Variants in KLRB1 observed in about 807,000 individuals in gnomAD.
KLRB1 encodes killer cell lectin-like receptor subfamily B member 1.
In KLRB1, 27 loss-of-function variants were observed where a neutral mutation model predicts 33.5. The observed-to-expected ratio is 0.81, with a 90% CI of 0.59 to 1.11. KLRB1 has a LOEUF of 1.11. Ranked by LOEUF, KLRB1 falls within the 50% of genes most tolerant of loss-of-function variation. The probability of loss-of-function intolerance (pLI) is 0.00; values close to 1 mark genes in which losing one functional copy is unlikely to be tolerated. For synonymous variants in KLRB1, 64 were observed against 88.9 expected (o/e 0.72, Z 1.58); for missense variants, 241 against 254.1 (o/e 0.95, Z 0.35).
rs747436253 is a variant in KLRB1 at position 9,598,989 on chromosome 12, A to G, written c.260-336T>C. Among the ~76,000 whole-genome samples the G allele has an allele frequency of 7.9e-5, 12 of 152,312 alleles. 1 individual carries two copies. In the South Asian group the frequency reaches 2.5e-3, roughly 32 times the overall value. ...TTAAGTCCAGCCAGTCAGATGAAATATTTCCCACTACTTCTCAGTTTCCTT... is the reference window on the plus strand; with the variant it reads ...TTAAGTCCAGCCAGTCAGATGAAATGTTTCCCACTACTTCTCAGTTTCCTT... On this transcript the variant is annotated intron_variant, in intron 3 of 5. Coordinates refer to ENST00000229402, the MANE Select transcript of KLRB1 (RefSeq NM_002258.3).
Position 9,595,315 on chromosome 12 carries a change from C to A in KLRB1, c.637G>T (p.Glu213Ter). 1 of 1,613,474 alleles carries A rather than the reference C, an allele frequency of 6.2e-7. No homozygotes were observed. Among genetic ancestry groups the A allele is most frequent in the Non-Finnish European group, 8.5e-7 (1 of 1,179,600 alleles). Residue 213 changes from glutamate to a stop codon, truncating the protein, a stop_gained, in exon 6 of 6, where the codon GAA becomes TAA. Coordinates refer to ENST00000229402, the MANE Select transcript of KLRB1 (RefSeq NM_002258.3). LOFTEE classifies it high-confidence loss of function. ...STEIRWICQK[E>*]LTPVRNKVYP... is the part of the protein sequence containing the mutation. ...ACTTTATTTCTCACAGGTGTTAGTTCTTTTTGGCAGATCCATCTGATTTCT... is the reference window on the plus strand; with the variant it reads ...ACTTTATTTCTCACAGGTGTTAGTTATTTTTGGCAGATCCATCTGATTTCT...
rs138930151 is a variant in KLRB1 at position 9,599,181 on chromosome 12, C to T, written c.260-528G>A. Among the ~76,000 whole-genome samples, 9 of 152,234 alleles carry T rather than the reference C, an allele frequency of 5.9e-5. 1 individual carries two copies. The South Asian group carries it at 8.3e-4, about 14-fold the overall frequency. On this transcript the variant is annotated intron_variant, in intron 3 of 5. Transcript: ENST00000229402. ...TATAAGAAAATTTCCAATTGCTAAA[C>T]GATGTATTTACCTACTTAATGTGAT...
Position 9,601,479 on chromosome 12 carries a change from CAG to C in KLRB1, c.184+20_184+21del, listed in dbSNP as rs1163419252. ...TGGAAGTAGAGTAAGTATTATGAAA[CAG>C]ATGATGGTGCCCCACTTACCTGAAA... On this transcript the variant is annotated intron_variant, in intron 2 of 5. Transcript: ENST00000229402. The C allele has an allele frequency of 1.9e-6, 3 of 1,540,450 alleles. No homozygotes were observed. Among genetic ancestry groups the C allele is most frequent in the Non-Finnish European group, 2.7e-6 (3 of 1,113,396 alleles).
chr12:9,604,203 G>T (rs1379764978), intron 1 of KLRB1, among the ~76,000 whole-genome samples: 1 of 152,124 alleles, frequency 6.6e-6, no homozygotes, highest in East Asian at 1.9e-4. Flanking sequence ...CACTACAGGG[G>T]TCCGGCGGAC....
intron 1 of KLRB1, among the ~76,000 whole-genome samples, chr12:9,606,754 A>ATTTTTTTT (rs1414913660): frequency 1.2e-4 from 3 of 25,420 alleles, no homozygotes; most frequent in Non-Finnish European, 1.5e-4. Flanking sequence ...ATATATATAT[A>ATTTTTTTT]TATATATTTT....
intron 3 of KLRB1, 86 bp from the exon 4 acceptor site, chr12:9,598,739 C>T: frequency 2.3e-6 from 2 of 879,388 alleles, no homozygotes; most frequent in South Asian, 2.4e-5. Flanking sequence ...ACACACAGGT[C>T]ATTATAAATG....
intron 1 of KLRB1, among the ~76,000 whole-genome samples, chr12:9,602,112 C>A (rs1387080199): frequency 6.6e-6 from 1 of 152,168 alleles, no homozygotes; most frequent in Non-Finnish European, 1.5e-5. Context: ...CTAGAACAAT[C>A]ATCTCCAAGT....
chr12:9,598,501 A>G lies in KLRB1; in HGVS notation c.412T>C (p.Leu138=), dbSNP rs1864512031. The change falls in exon 4 of 6, where the codon TTG becomes CTG. Residue 138 remains leucine, a splice_region_variant and synonymous_variant. Transcript: ENST00000229402. ...AGGTATTTTATTTAATGATTTACCAATTCATCCTTATCTCGAATAAGCAGC... is the reference window on the plus strand; with the variant it reads ...AGGTATTTTATTTAATGATTTACCAGTTCATCCTTATCTCGAATAAGCAGC... The part of the protein sequence containing the change: ...SLLLIRDKDE[L]IHTQNLIRDK... 2 of 1,606,692 alleles carry G rather than the reference A, an allele frequency of 1.2e-6. No individual in the cohort carries two copies. Among genetic ancestry groups the G allele is most frequent in the Non-Finnish European group, 1.7e-6 (2 of 1,177,084 alleles).
chr12:9,601,803 A>G (rs762161923), intron 1 of KLRB1, among the ~76,000 whole-genome samples: 1 of 152,306 alleles, frequency 6.6e-6, no homozygotes, highest in South Asian at 2.1e-4. Flanking sequence ...CTCAGATCCA[A>G]CAGAGTTTGC....
intron 1 of KLRB1, among the ~76,000 whole-genome samples, chr12:9,603,155 GC>G (rs2120718005): frequency 6.6e-6 from 1 of 152,232 alleles, no homozygotes; most frequent in African/African-American, 2.4e-5. Flanking sequence ...AGACTCCAAG[GC>G]CCCAGGGATA....
At chr12:9,607,520 A>C (rs1350351644) in intron 1 of KLRB1, among the ~76,000 whole-genome samples, 4 of 151,698 alleles carry the variant, frequency 2.6e-5, no homozygotes, top group Non-Finnish European at 4.4e-5. Context: ...AAGGCTCAGT[A>C]AGACAAGTGA....
rs901414731 is a variant in KLRB1, at chr12:9,605,558, T to C, written c.85+2197A>G. 1.4e-4 allele frequency among the ~76,000 whole-genome samples: 22 copies of C among 152,228 alleles called. 1 individual carries two copies. Among genetic ancestry groups the C allele is most frequent in the South Asian group, 2.1e-4 (1 of 4,834 alleles). ...AATGAATGAATAAACTCTAGGGGCA[T>C]TTTTGCAAACACCTTATCCACTTTT... On this transcript the variant is annotated intron_variant, in intron 1 of 5. Transcript: ENST00000229402.
rs1269335214 is a variant in KLRB1, at chr12:9,604,892, GGTTTGTTACATAT to G, written c.85+2850_85+2862del. ...CTAGGGTACATGGGCACAATGTGCA[GGTTTGTTACATAT>G]GTATACATGTGCCATGTTGGTTTGT... is the stretch of plus-strand genomic sequence containing the variant. On this transcript the variant is annotated intron_variant, in intron 1 of 5. Transcript: ENST00000229402. Among the ~76,000 whole-genome samples, 3 of 151,992 alleles carry G rather than the reference GGTTTGTTACATAT, an allele frequency of 2.0e-5. 1 individual carries two copies. The highest frequency in any genetic ancestry group is 7.3e-5 in the African/African-American group (3 of 41,362).
chr12:9,599,001 T>A (rs1202970505), intron 3 of KLRB1, among the ~76,000 whole-genome samples: 1 of 152,220 alleles, frequency 6.6e-6, no homozygotes, highest in East Asian at 1.9e-4. Context: ...TTCCCACTAC[T>A]TCTCAGTTTC....
chr12:9,594,788 G>A lies in KLRB1; in HGVS notation c.*486C>T, dbSNP rs1864477052. ...GGGGCTGTAAAATAGGTGAAAGATAGGTGTTTATTAAGTATCTTTATTCAG... is the reference window on the plus strand; with the variant it reads ...GGGGCTGTAAAATAGGTGAAAGATAAGTGTTTATTAAGTATCTTTATTCAG... On this transcript the variant is annotated 3_prime_UTR_variant, in exon 6 of 6. Coordinates refer to ENST00000229402, the MANE Select transcript of KLRB1 (RefSeq NM_002258.3). 6.5e-6 allele frequency: 1 copy of A among 152,688 alleles called. No homozygotes were observed. The highest frequency in any genetic ancestry group is 2.1e-4 in the South Asian group (1 of 4,856). 9.5% of individuals were successfully genotyped at this position (152,688 alleles called of 1,614,324 possible). A position where few individuals can be genotyped will look rare whatever the true frequency, so the allele number is the denominator to read the frequency against.
chr12:9,604,129 T>C (rs925005609), intron 1 of KLRB1, among the ~76,000 whole-genome samples: 1 of 152,096 alleles, frequency 6.6e-6, no homozygotes, highest in African/African-American at 2.4e-5. Context: ...CTGGGAGGAA[T>C]GTACTCCTGT....
chr12:9,606,760 A>ATTTTTTTTTTT lies in KLRB1; in HGVS notation c.85+984_85+994dup, dbSNP rs1185510083. Among the ~76,000 whole-genome samples the ATTTTTTTTTTT allele has an allele frequency of 2.5e-4, 16 of 63,744 alleles. 1 individual carries two copies. The highest frequency in any genetic ancestry group is 3.5e-4 in the Non-Finnish European group (13 of 36,854). 41.8% of individuals were successfully genotyped at this position (63,744 alleles called of 152,430 possible). A position where few individuals can be genotyped will look rare whatever the true frequency, so the allele number is the denominator to read the frequency against. On this transcript the variant is annotated intron_variant, in intron 1 of 5. Coordinates refer to ENST00000229402, the MANE Select transcript of KLRB1 (RefSeq NM_002258.3). Reference sequence around the variant, plus strand: ...TATATATATATATATATATATATATATTTTTTTTTTTTTTTTGAGATAGTC... The same window carrying ATTTTTTTTTTT: ...TATATATATATATATATATATATATATTTTTTTTTTTTTTTTTTTTTTTTTTTGAGATAGTC...
intron 2 of KLRB1, among the ~76,000 whole-genome samples, chr12:9,600,451 A>C (rs1412480013): frequency 6.6e-6 from 1 of 152,108 alleles, no homozygotes; most frequent in African/African-American, 2.4e-5. Context: ...GGGGTAGCCA[A>C]ATTATGTTGA....
At position 9,601,487 on chromosome 12, in the gene KLRB1, G is replaced by A. The variant is rs369530729; in HGVS notation, c.184+14C>T. ...GAGTAAGTATTATGAAACAGATGAT[G>A]GTGCCCCACTTACCTGAAACACTCA... On this transcript the variant is annotated intron_variant, in intron 2 of 5. Coordinates refer to ENST00000229402, the MANE Select transcript of KLRB1 (RefSeq NM_002258.3). The A allele has an allele frequency of 7.1e-6, 11 of 1,558,312 alleles. No individual in the cohort carries two copies. In the African/African-American group the frequency reaches 1.4e-4, roughly 19 times the overall value.
Sources: allele counts gnomAD v4.1 joint callset (sites outside exome capture counted in the v4.1 genomes callset), GRCh38; gene constraint gnomAD v4.1.1; transcripts MANE v1.5; gene names NCBI Gene and HGNC (gene_info 2026-07-23, HGNC 2026-07-21).